The following RPH3A variants were observed in gnomAD, a reference collection of about 807,000 sequenced individuals.
RPH3A encodes the protein rabphilin-3A.
A neutral mutation model predicts 102.2 loss-of-function variants in RPH3A; 48 were observed. The ratio of observed to expected loss-of-function variants is 0.47; its 90% CI spans 0.37 to 0.60. RPH3A has a LOEUF of 0.60. Among genes scored for constraint, RPH3A ranks in the 20% least tolerant of loss-of-function variants. The pLI, the probability that RPH3A is intolerant of heterozygous loss-of-function variation, is 0.00. For synonymous variants in RPH3A, 310 were observed against 324.3 expected (o/e 0.96, Z 0.47); for missense variants, 781 against 910.1 (o/e 0.86, Z 1.83).
chr12:112,703,739 A>G (rs539097184), intron 1 of RPH3A, among the ~76,000 whole-genome samples: 119 of 152,192 alleles, frequency 7.8e-4, no homozygotes, highest in African/African-American at 2.8e-3. Context: ...TCTTTGACCA[A>G]TCCATGATCT....
intron 1 of RPH3A, among the ~76,000 whole-genome samples, chr12:112,680,033 G>A (rs1375331570): frequency 1.3e-5 from 2 of 152,210 alleles, no homozygotes; most frequent in Non-Finnish European, 2.9e-5. Context: ...GCAGAGGGAA[G>A]TATGTTCCAG....
chr12:112,656,229 A>C (rs529069660), intron 1 of RPH3A, among the ~76,000 whole-genome samples: 1 of 152,360 alleles, frequency 6.6e-6, no homozygotes, highest in African/African-American at 2.4e-5. Context: ...TTCAGGGGGC[A>C]CATGTGCAAA....
chr12:112,695,552 C>G (rs2040344124), intron 1 of RPH3A, among the ~76,000 whole-genome samples: 1 of 152,210 alleles, frequency 6.6e-6, no homozygotes, highest in Non-Finnish European at 1.5e-5. Flanking sequence ...AGTCTGATTC[C>G]TACCTCTGGG....
chr12:112,754,356 A>G (rs1038955233), intron 1 of RPH3A, among the ~76,000 whole-genome samples: 3 of 101,644 alleles, frequency 3.0e-5, no homozygotes, highest in Non-Finnish European at 6.4e-5. Flanking sequence ...AATAGGTGCC[A>G]AGCAAATAAA....
chr12:112,704,377 A>C (rs1243785562), intron 1 of RPH3A, among the ~76,000 whole-genome samples: 1 of 152,190 alleles, frequency 6.6e-6, no homozygotes, highest in Non-Finnish European at 1.5e-5. Context: ...GGCATCAGCC[A>C]CTGCGCTCAG....
At chr12:112,854,431 T>C (rs2136200141) in intron 5 of RPH3A, among the ~76,000 whole-genome samples, 1 of 152,372 alleles carries the variant, frequency 6.6e-6, no homozygotes, top group South Asian at 2.1e-4. Flanking sequence ...GATTCATTTA[T>C]GTAAACTTCA....
intron 1 of RPH3A, among the ~76,000 whole-genome samples, chr12:112,667,473 AT>A (rs775102065): frequency 3.3e-5 from 5 of 151,528 alleles, no homozygotes; most frequent in South Asian, 4.2e-4. Context: ...GTAATTTGTG[AT>A]TTTTTTTTCT....
At chr12:112,884,261 G>A (rs2042970593) in intron 16 of RPH3A, among the ~76,000 whole-genome samples, 1 of 152,120 alleles carries the variant, frequency 6.6e-6, no homozygotes, top group South Asian at 2.1e-4. Context: ...CTATTTTGCT[G>A]TGTTTGCGTC....
chr12:112,842,570 G>A (rs552424236), intron 4 of RPH3A, among the ~76,000 whole-genome samples: 2 of 152,292 alleles, frequency 1.3e-5, no homozygotes, highest in South Asian at 4.1e-4. Context: ...TAGCAGCCAG[G>A]GCTGTCATTG....
intron 5 of RPH3A, among the ~76,000 whole-genome samples, chr12:112,858,890 C>T (rs1356533096): frequency 6.6e-6 from 1 of 152,130 alleles, no homozygotes; most frequent in African/African-American, 2.4e-5. Flanking sequence ...TTGGGATGTG[C>T]CCACCTGACT....
intron 1 of RPH3A, among the ~76,000 whole-genome samples, chr12:112,613,423 A>G (rs761224432): frequency 2.0e-5 from 3 of 152,112 alleles, no homozygotes; most frequent in African/African-American, 4.8e-5. Flanking sequence ...CTGACCAGCT[A>G]TGGTTGATGG....
intron 14 of RPH3A, among the ~76,000 whole-genome samples, chr12:112,879,476 C>T (rs955487987): frequency 6.6e-6 from 1 of 152,196 alleles, no homozygotes; most frequent in Non-Finnish European, 1.5e-5. Context: ...CTGCCTGGGC[C>T]AGCAGTGTCT....
intron 1 of RPH3A, among the ~76,000 whole-genome samples, chr12:112,579,137 G>A (rs985876890): frequency 3.3e-5 from 5 of 152,110 alleles, no homozygotes; most frequent in African/African-American, 1.2e-4. Context: ...AGGGCAGAAG[G>A]AATGCCTGCC....
intron 1 of RPH3A, among the ~76,000 whole-genome samples, chr12:112,588,484 T>C (rs2039454137): frequency 6.6e-6 from 1 of 152,214 alleles, no homozygotes; most frequent in Non-Finnish European, 1.5e-5. Context: ...GGAAAAAACC[T>C]GCTCCCATGA....
chr12:112,704,411 G>C (rs776729826), intron 1 of RPH3A, among the ~76,000 whole-genome samples: 1 of 152,146 alleles, frequency 6.6e-6, no homozygotes, highest in Non-Finnish European at 1.5e-5. Context: ...TCAAGGTGCA[G>C]ATCTATGGTG....
At position 112,883,383 on chromosome 12, in the gene RPH3A, A is replaced by G. The variant is rs2042954231; in HGVS notation, c.1417A>G (p.Met473Val). The G allele has an allele frequency of 6.2e-7, 1 of 1,613,968 alleles. No homozygotes were observed. The highest frequency in any genetic ancestry group is 8.5e-7 in the Non-Finnish European group (1 of 1,179,850). Residue 473 changes from methionine (M) to valine (V), a missense_variant, in exon 16 of 22, where the codon ATG (methionine) becomes GTG (valine). Coordinates refer to ENST00000389385, the MANE Select transcript of RPH3A (RefSeq NM_001143854.2). ...LVYHGITDED[M>V]QRKTLRISVC... The stretch of plus-strand genomic sequence containing the variant: ...GTATCACGGCATCACCGATGAGGAC[A>G]TGCAAAGGAAGACCCTCAGGTACCT...
chr12:112,796,260 C>T (rs1372584838), intron 2 of RPH3A, among the ~76,000 whole-genome samples: 1 of 152,100 alleles, frequency 6.6e-6, no homozygotes, highest in South Asian at 2.1e-4. Flanking sequence ...GAGGTTTTTG[C>T]TGAATCATCC....
At chr12:112,604,302 C>A (rs779170755) in intron 1 of RPH3A, among the ~76,000 whole-genome samples, 1 of 152,154 alleles carries the variant, frequency 6.6e-6, no homozygotes, top group African/African-American at 2.4e-5. Context: ...CCCTACCCAC[C>A]TTTAAAAATT....
chr12:112,847,677 T>C lies in RPH3A; in HGVS notation c.84-19T>C. On this transcript the variant is annotated intron_variant, in intron 4 of 21. Coordinates refer to ENST00000389385, the MANE Select transcript of RPH3A (RefSeq NM_001143854.2). ...ACTATTTTCTGCCCACCCTCACACC[T>C]TCCCAAATTTCCTTTCAGGCTCCAG... 1 of 1,612,434 alleles carries C rather than the reference T, an allele frequency of 6.2e-7. No individual in the cohort carries two copies. The highest frequency in any genetic ancestry group is 8.5e-7 in the Non-Finnish European group (1 of 1,179,272).
Sources: allele counts gnomAD v4.1 joint callset (sites outside exome capture counted in the v4.1 genomes callset), GRCh38; gene constraint gnomAD v4.1.1; transcripts MANE v1.5; gene names NCBI Gene and HGNC (gene_info 2026-07-23, HGNC 2026-07-21).